STIM1: variants seen among roughly 807,000 people sequenced by gnomAD.
The protein encoded by STIM1 is stromal interaction molecule 1.
A neutral mutation model predicts 74.7 loss-of-function variants in STIM1; 25 were observed. The ratio of observed to expected loss-of-function variants is 0.33; its 90% confidence interval spans 0.24 to 0.47. The LOEUF (loss-of-function observed/expected upper bound fraction) is 0.47, where lower values mean the gene tolerates loss of function less well. Among genes scored for constraint, STIM1 ranks in the 20% least tolerant of loss-of-function variants. The pLI is 1.00. For missense variants in STIM1, 728 were observed against 920.8 expected, an observed-to-expected ratio of 0.79 and a Z score of 2.71; for synonymous variants, 328 against 348.8, an observed-to-expected ratio of 0.94 and a Z score of 0.66.
At position 3,943,640 on chromosome 11, in the gene STIM1, G is replaced by A. The variant is rs372204679; in HGVS notation, c.140-23912G>A. On this transcript the variant is annotated intron_variant, in intron 1 of 12. Transcript: ENST00000526596. Reference sequence around the variant, plus strand: ...TTCTAGGTCGGGTGCAGTGGCTCACGCCTGTAACCCCAGCATGTTGGGAGG... The same window carrying A: ...TTCTAGGTCGGGTGCAGTGGCTCACACCTGTAACCCCAGCATGTTGGGAGG... 1.3e-3 allele frequency among the ~76,000 whole-genome samples: 194 copies of A among 152,302 alleles called. 2 individuals carry two copies. Among genetic ancestry groups the A allele is most frequent in the African/African-American group, 4.5e-3 (188 of 41,562 alleles).
chr11:3,982,564 C>G, intron 2 of STIM1, among the ~76,000 whole-genome samples: 1 of 152,104 alleles, frequency 6.6e-6, no homozygotes, highest in East Asian at 1.9e-4. Flanking sequence ...ATAATCCTTA[C>G]AAGAAATCTC....
intron 1 of STIM1, among the ~76,000 whole-genome samples, chr11:3,889,597 G>A (rs1241577981): frequency 7.9e-5 from 12 of 151,854 alleles, no homozygotes; most frequent in Admixed American, 1.3e-4. Context: ...TTTTTAATAC[G>A]GTCTTCTGAG....
intron 1 of STIM1, among the ~76,000 whole-genome samples, chr11:3,966,317 A>G (rs1459521195): frequency 1.3e-5 from 2 of 152,228 alleles, no homozygotes; most frequent in East Asian, 3.8e-4. Flanking sequence ...TTTAATATTT[A>G]TACTCCTCCC....
At position 3,945,409 on chromosome 11, in the gene STIM1, T is replaced by A. The variant is rs112595425; in HGVS notation, c.140-22143T>A. On this transcript the variant is annotated intron_variant, in intron 1 of 12. Transcript: ENST00000526596. ...CTGGCCAACATGGTGAAACACAATC[T>A]TTACTAAAAATAAAAAAATAAAAAA... 5.0e-3 allele frequency among the ~76,000 whole-genome samples: 763 copies of A among 151,756 alleles called. 3 individuals are homozygous for A. Among genetic ancestry groups the A allele is most frequent in the African/African-American group, 0.018 (733 of 41,356 alleles).
At chr11:4,000,746 G>C (rs1371971355) in intron 2 of STIM1, among the ~76,000 whole-genome samples, 18 of 147,804 alleles carry the variant, frequency 1.2e-4, no homozygotes, top group South Asian at 2.2e-4. Flanking sequence ...GAATGACTTT[G>C]ATGAGTTGAG....
chr11:3,941,696 A>AGAGAGAGAGAGAGAGAGAGAGTGTGT (rs1214690521), intron 1 of STIM1, among the ~76,000 whole-genome samples: 1 of 141,804 alleles, frequency 7.1e-6, no homozygotes, highest in African/African-American at 2.7e-5. Context: ...AGAGAGAGAG[A>AGAGAGAGAGAGAGAGAGAGAGTGTGT]GTGTGTGTGT....
At chr11:3,937,317 T>TAATAATAATAATAATAATAATAAA (rs1224367253) in intron 1 of STIM1, among the ~76,000 whole-genome samples, 15 of 149,436 alleles carry the variant, frequency 1.0e-4, no homozygotes, top group African/African-American at 1.5e-4. Flanking sequence ...ATAATAATAA[T>TAATAATAATAATAATAATAATAAA]AAAATATCTG....
chr11:3,856,437 G>A lies in STIM1; in HGVS notation c.139+28G>A, dbSNP rs199693618. The A allele has an allele frequency of 3.0e-3, 4,870 of 1,610,080 alleles. 16 individuals carry two copies. The highest frequency in any genetic ancestry group is 3.7e-3 in the Non-Finnish European group (4,387 of 1,177,768). On this transcript the variant is annotated intron_variant, in intron 1 of 12. Transcript: ENST00000526596. ...AAGGCCTTGCTGCGGGCTGGACTGGGCTGGAGGCTTTGGCTCAGGACTGAG... is the reference window on the plus strand; with the variant it reads ...AAGGCCTTGCTGCGGGCTGGACTGGACTGGAGGCTTTGGCTCAGGACTGAG...
chr11:3,909,411 GGGT>G lies in STIM1; in HGVS notation c.139+53003_139+53005del, dbSNP rs768287476. Among the ~76,000 whole-genome samples the G allele has an allele frequency of 5.2e-3, 784 of 151,866 alleles. 5 individuals carry two copies. The highest frequency in any genetic ancestry group is 7.5e-3 in the Non-Finnish European group (512 of 67,854). On this transcript the variant is annotated intron_variant, in intron 1 of 12. Coordinates refer to ENST00000526596, the MANE Select transcript of STIM1 (RefSeq NM_001382567.1). ...CCAGGTACCAGTAACTTTGGGGTGAGGGTCCTGGTGAAGTCCTGGGCTTATGAG... is the reference window on the plus strand; with the variant it reads ...CCAGGTACCAGTAACTTTGGGGTGAGCCTGGTGAAGTCCTGGGCTTATGAG...
chr11:3,913,467 G>T (rs140723361), intron 1 of STIM1, among the ~76,000 whole-genome samples: 10 of 152,218 alleles, frequency 6.6e-5, no homozygotes, highest in African/African-American at 2.2e-4. Flanking sequence ...GAGTTACAGG[G>T]ATCAACCACT....
intron 2 of STIM1, among the ~76,000 whole-genome samples, chr11:3,994,699 A>G (rs1204849549): frequency 6.6e-6 from 1 of 152,086 alleles, no homozygotes; most frequent in Non-Finnish European, 1.5e-5. Context: ...GCCCCAAGCA[A>G]TCCACCCACT....
chr11:4,022,780 A>G (rs1026036360), intron 2 of STIM1, among the ~76,000 whole-genome samples: 2 of 152,232 alleles, frequency 1.3e-5, no homozygotes, highest in Non-Finnish European at 2.9e-5. Flanking sequence ...GACTTTCCAC[A>G]TGATATCTCC....
At chr11:4,020,593 T>C (rs531945391) in intron 2 of STIM1, among the ~76,000 whole-genome samples, 1 of 152,196 alleles carries the variant, frequency 6.6e-6, no homozygotes, top group African/African-American at 2.4e-5. Context: ...GACTTTTTTT[T>C]TTCTTTTTTC....
At chr11:3,866,429 C>CT (rs375183049) in intron 1 of STIM1, among the ~76,000 whole-genome samples, 39,207 of 136,708 alleles carry the variant, frequency 0.29, 5,965 homozygotes, top group South Asian at 0.41. Flanking sequence ...CTTGCTATGT[C>CT]TTTTTTTTTT....
chr11:4,077,581 ATT>A (rs2133201151), intron 7 of STIM1, among the ~76,000 whole-genome samples: 1 of 152,280 alleles, frequency 6.6e-6, no homozygotes, highest in Non-Finnish European at 1.5e-5. Context: ...TAGAATATAC[ATT>A]CTTTTTAGCA....
Position 4,083,348 on chromosome 11 carries a change from G to T in STIM1, c.1324G>T (p.Val442Phe), listed in dbSNP as rs374484530. Residue 442 changes from valine (V) to phenylalanine (F), a missense_variant, in exon 10 of 13, where the codon GTC becomes TTC. Val to Phe is a conservative substitution (Grantham distance 50). This residue lies in a region of STIM1 where 352 missense variants were observed against 370.1 expected (regional missense o/e 0.95). Transcript: ENST00000526596. The stretch of plus-strand genomic sequence containing the variant: ...CGAGATCCTCTGTGGCTTCCAGATT[G>T]TCAACAACCCTGGCATCCACTCACT... Reference protein sequence around the residue: ...QIEILCGFQIVNNPGIHSLVA... With the variant: ...QIEILCGFQIFNNPGIHSLVA... 2 of 1,614,116 alleles carry T rather than the reference G, an allele frequency of 1.2e-6. No homozygotes were observed. The highest frequency in any genetic ancestry group is 2.7e-5 in the African/African-American group (2 of 74,934).
intron 2 of STIM1, among the ~76,000 whole-genome samples, chr11:4,002,514 A>G (rs1271699466): frequency 1.3e-5 from 2 of 150,324 alleles, no homozygotes; most frequent in Non-Finnish European, 3.0e-5. Context: ...ATGAAGGCAG[A>G]AATAAAGATG....
rs1294266901 is a variant in STIM1 at position 4,085,808 on chromosome 11, A to C, written c.1568-669A>C. 2.6e-5 allele frequency among the ~76,000 whole-genome samples: 4 copies of C among 152,156 alleles called. No homozygotes were observed. The South Asian group carries it at 8.3e-4, about 32-fold the overall frequency. The stretch of plus-strand genomic sequence containing the variant: ...GCTAGAAGTGAAAGTCCTGGTTTCA[A>C]CCTCTAGTGTTTGGTATTCCAAAGC... On this transcript the variant is annotated intron_variant, in intron 11 of 12. Transcript: ENST00000526596.
At chr11:4,045,526 T>C (rs2094184285) in intron 3 of STIM1, among the ~76,000 whole-genome samples, 1 of 151,982 alleles carries the variant, frequency 6.6e-6, no homozygotes, top group Non-Finnish European at 1.5e-5. Flanking sequence ...CTCAGCTCAC[T>C]GCAACCTCTG....
Sources: allele counts gnomAD v4.1 joint callset (sites outside exome capture counted in the v4.1 genomes callset), GRCh38; gene constraint gnomAD v4.1.1; regional missense constraint gnomAD v4.1.1; transcripts MANE v1.5; gene names NCBI Gene and HGNC (gene_info 2026-07-23, HGNC 2026-07-21).